Variants in TRPM8 observed in about 807,000 individuals in gnomAD.
The protein encoded by TRPM8 is TRPM8 cationic channel.
In TRPM8, 110 loss-of-function variants were observed where a neutral mutation model predicts 133.7. The ratio of observed to expected loss-of-function variants is 0.82; its 90% CI spans 0.70 to 0.96. The LOEUF (loss-of-function observed/expected upper bound fraction) is 0.96. Among genes scored for constraint, TRPM8 ranks in the 40% least tolerant of loss-of-function variants. The pLI is 0.00. For synonymous variants in TRPM8, 535 were observed against 532.3 expected (o/e 1.01, Z -0.07); for missense variants, 1,291 against 1,379.5 (o/e 0.94, Z 1.02).
chr2:233,995,140 T>C (rs1692372285), intron 21 of TRPM8, among the ~76,000 whole-genome samples: 1 of 152,202 alleles, frequency 6.6e-6, no homozygotes. Context: ...AATTCAACAC[T>C]TCCTAACTGG....
intron 3 of TRPM8, 40 bp downstream of exon 3, chr2:233,930,781 C>G: frequency 2.1e-6 from 3 of 1,450,742 alleles, no homozygotes; most frequent in Non-Finnish European, 2.9e-6. Context: ...TTTCCAAGTT[C>G]AAAAAAATTA....
chr2:233,932,410 G>A (rs1329845632), intron 3 of TRPM8, among the ~76,000 whole-genome samples: 1 of 152,160 alleles, frequency 6.6e-6, no homozygotes, highest in Non-Finnish European at 1.5e-5. Context: ...GTCTTGCTTG[G>A]AGCATGTGCC....
chr2:233,937,708 G>A lies in TRPM8; in HGVS notation c.348+199G>A, dbSNP rs531470004. 2.6e-5 allele frequency among the ~76,000 whole-genome samples: 4 copies of A among 152,254 alleles called. No homozygotes were observed. In the South Asian group the frequency reaches 8.3e-4, roughly 32 times the overall value. On this transcript the variant is annotated intron_variant, in intron 4 of 25. Transcript: ENST00000324695. Reference sequence around the variant, plus strand: ...TATGCTCAACAGGAAAACTCAACAGGTTAAGGACTGGATTATCACCTAGCC... The same window carrying A: ...TATGCTCAACAGGAAAACTCAACAGATTAAGGACTGGATTATCACCTAGCC...
intron 14 of TRPM8, chr2:233,966,163 G>A: frequency 6.4e-6 from 1 of 157,306 alleles, no homozygotes; most frequent in South Asian, 1.8e-4. Flanking sequence ...TTTTTCCTCT[G>A]TGCCTTATCT....
At chr2:233,925,720 G>T (rs4663985) in intron 1 of TRPM8, among the ~76,000 whole-genome samples, 1 of 151,950 alleles carries the variant, frequency 6.6e-6, no homozygotes, top group African/African-American at 2.4e-5. Flanking sequence ...AGGGAGACAC[G>T]GTATGCAGGA....
intron 17 of TRPM8, among the ~76,000 whole-genome samples, chr2:233,977,403 G>A (rs534835786): frequency 6.6e-6 from 1 of 152,336 alleles, no homozygotes; most frequent in Admixed American, 6.5e-5. Context: ...TCCCTGCGAT[G>A]GTAACTTGGA....
intron 6 of TRPM8, chr2:233,943,051 A>T (rs999645036): frequency 4.2e-6 from 2 of 473,344 alleles, no homozygotes; most frequent in Admixed American, 7.4e-5. Context: ...GGCGGGCTCA[A>T]AGCCAACTGC....
intron 8 of TRPM8, chr2:233,947,401 G>T (rs981745940): frequency 1.3e-6 from 2 of 1,497,630 alleles, no homozygotes; most frequent in Non-Finnish European, 1.8e-6. Context: ...CAGTCAACCT[G>T]CCAAAGAGAA....
Position 233,926,588 on chromosome 2 carries a change from T to C in TRPM8, c.51T>C (p.Thr17=). Residue 17 remains threonine (T), a synonymous_variant, in exon 2 of 26, where the codon ACT becomes ACC. Coordinates refer to ENST00000324695, the MANE Select transcript of TRPM8 (RefSeq NM_024080.5). ...RLSMRNRRND[T]LDSTRTLYSS... ...GCATGAGGAACAGAAGGAATGACAC[T>C]CTGGACAGCACCCGGACCCTGTACT... is the stretch of plus-strand genomic sequence containing the variant. The C allele has an allele frequency of 6.2e-7, 1 of 1,614,060 alleles. No homozygotes were observed. Among genetic ancestry groups the C allele is most frequent in the Non-Finnish European group, 8.5e-7 (1 of 1,179,996 alleles).
At chr2:233,983,315 A>G (rs756709568) in intron 20 of TRPM8, 91 bp downstream of exon 20, 2 of 1,442,490 alleles carry the variant, frequency 1.4e-6, no homozygotes, top group Non-Finnish European at 1.9e-6. Context: ...ACCGCACTTC[A>G]GAAGCACGCG....
intron 1 of TRPM8, among the ~76,000 whole-genome samples, chr2:233,922,114 A>C (rs918969456): frequency 6.6e-6 from 1 of 152,062 alleles, no homozygotes; most frequent in African/African-American, 2.4e-5. Context: ...ACATCAATTA[A>C]GTCTAGGTTA....
intron 22 of TRPM8, among the ~76,000 whole-genome samples, chr2:234,002,615 T>C (rs1023711841): frequency 6.6e-6 from 1 of 152,164 alleles, no homozygotes; most frequent in South Asian, 2.1e-4. Context: ...TTGGGGAATA[T>C]GTTGGCGGAG....
At chr2:233,981,723 T>C in intron 18 of TRPM8, 51 bp from the exon 19 acceptor site, 7 of 1,543,936 alleles carry the variant, frequency 4.5e-6, no homozygotes, top group East Asian at 2.3e-5. Context: ...AACAAAACTT[T>C]GGAATGTTTT....
chr2:233,921,101 T>C (rs1363255607), intron 1 of TRPM8, among the ~76,000 whole-genome samples: 1 of 152,094 alleles, frequency 6.6e-6, no homozygotes, highest in African/African-American at 2.4e-5. Context: ...CCTCAGGCGA[T>C]CCACCCGCCT....
At position 233,960,758 on chromosome 2, in the gene TRPM8, T is replaced by G; in HGVS notation, c.1363-18T>G. 1.2e-6 allele frequency: 2 copies of G among 1,609,988 alleles called. No individual in the cohort carries two copies. The highest frequency in any genetic ancestry group is 1.7e-6 in the Non-Finnish European group (2 of 1,176,846). On this transcript the variant is annotated intron_variant, in intron 11 of 25. Coordinates refer to ENST00000324695, the MANE Select transcript of TRPM8 (RefSeq NM_024080.5). ...TTTTTATAGTATTGTTAGTACTGTC[T>G]CTGTTCTTTCTCCTTAGTCTGCTGA... is the stretch of plus-strand genomic sequence containing the variant.
intron 1 of TRPM8, among the ~76,000 whole-genome samples, chr2:233,920,141 G>T (rs1691379204): frequency 6.6e-6 from 1 of 152,174 alleles, no homozygotes. Flanking sequence ...GAGTCAGCCT[G>T]CAGGATGACG....
intron 17 of TRPM8, among the ~76,000 whole-genome samples, chr2:233,971,675 T>C (rs543529149): frequency 2.0e-4 from 30 of 152,142 alleles, no homozygotes; most frequent in African/African-American, 6.7e-4. Flanking sequence ...TCGGATGTGT[T>C]CGGAGTTTCT....
At chr2:233,969,658 A>G in intron 15 of TRPM8, 37 bp from the exon 16 acceptor site, 2 of 1,309,162 alleles carry the variant, frequency 1.5e-6, no homozygotes, top group Non-Finnish European at 2.2e-6. Flanking sequence ...CAATTGTGTT[A>G]ATAAGGACCT....
intron 2 of TRPM8, among the ~76,000 whole-genome samples, chr2:233,927,924 T>TCTCTCTCTCTCTCTCTC (rs1691593859): frequency 3.6e-5 from 1 of 28,054 alleles, no homozygotes; most frequent in Admixed American, 5.6e-4. Flanking sequence ...CTCTCTCTCT[T>TCTCTCTCTCTCTCTCTC]TCTCTCTCTC....
Sources: allele counts gnomAD v4.1 joint callset (sites outside exome capture counted in the v4.1 genomes callset), GRCh38; gene constraint gnomAD v4.1.1; transcripts MANE v1.5; gene names NCBI Gene and HGNC (gene_info 2026-07-23, HGNC 2026-07-21).